The following KIAA0586 variants were observed in gnomAD, a reference collection of about 807,000 sequenced individuals.
KIAA0586 encodes KIAA0586, also known as protein TALPID3.
A neutral mutation model predicts 169.8 loss-of-function variants in KIAA0586; 144 were observed. The observed-to-expected ratio is 0.85, with a 90% CI of 0.74 to 0.97. The LOEUF (loss-of-function observed/expected upper bound fraction) is 0.97. Among genes scored for constraint, KIAA0586 ranks in the 50% least tolerant of loss-of-function variants. The pLI, the probability that KIAA0586 is intolerant of heterozygous loss-of-function variation, is 0.00. For missense variants in KIAA0586, 1,854 were observed against 1,823.0 expected (o/e 1.02, Z -0.31); for synonymous variants, 625 against 612.4 (o/e 1.02, Z -0.30).
At chr14:58,538,005 G>A (rs1200693664) in intron 29 of KIAA0586, among the ~76,000 whole-genome samples, 1 of 152,064 alleles carries the variant, frequency 6.6e-6, no homozygotes, top group Non-Finnish European at 1.5e-5. Context: ...CAGTTGAGCT[G>A]GGCATGGTGA....
intron 21 of KIAA0586, among the ~76,000 whole-genome samples, chr14:58,486,360 G>A (rs552982160): frequency 3.9e-5 from 6 of 152,070 alleles, no homozygotes; most frequent in East Asian, 1.9e-4. Context: ...CCATTGATGG[G>A]CACCTAGGTT....
intron 29 of KIAA0586, among the ~76,000 whole-genome samples, chr14:58,516,526 C>T (rs2044765928): frequency 6.6e-6 from 1 of 152,108 alleles, no homozygotes; most frequent in Non-Finnish European, 1.5e-5. Context: ...CTGTCCTGCA[C>T]AAAATTTGCC....
intron 29 of KIAA0586, chr14:58,522,041 G>A (rs2045266833): frequency 9.6e-7 from 1 of 1,045,160 alleles, no homozygotes; most frequent in African/African-American, 1.6e-5. Flanking sequence ...TTACGTAGGT[G>A]CTTGTCTAAG....
At chr14:58,439,576 A>G (rs968281935) in intron 4 of KIAA0586, among the ~76,000 whole-genome samples, 3 of 152,192 alleles carry the variant, frequency 2.0e-5, no homozygotes, top group African/African-American at 7.2e-5. Context: ...AAAATTAGGA[A>G]ATTAGGATGG....
chr14:58,462,498 C>T (rs2040410872), intron 14 of KIAA0586, among the ~76,000 whole-genome samples: 1 of 152,194 alleles, frequency 6.6e-6, no homozygotes, highest in Non-Finnish European at 1.5e-5. Flanking sequence ...GGTGATCCAC[C>T]CGCCTCAGCC....
At chr14:58,461,217 T>A in intron 14 of KIAA0586, 57 bp downstream of exon 14, 1 of 1,244,518 alleles carries the variant, frequency 8.0e-7, no homozygotes, top group Non-Finnish European at 1.1e-6. Context: ...CAGTTTAATA[T>A]GTAAAGTTTC....
intron 4 of KIAA0586, among the ~76,000 whole-genome samples, chr14:58,439,159 T>C (rs1377371356): frequency 6.6e-6 from 1 of 152,288 alleles, no homozygotes; most frequent in East Asian, 1.9e-4. Context: ...AAGTAAATCC[T>C]GTTACCTCTG....
intron 29 of KIAA0586, among the ~76,000 whole-genome samples, chr14:58,531,846 T>C (rs910983457): frequency 2.1e-4 from 32 of 152,304 alleles, no homozygotes; most frequent in Middle Eastern, 3.4e-3. Flanking sequence ...TGGAATAATA[T>C]GCAGCCATGT....
intron 22 of KIAA0586, 75 bp from the exon 23 acceptor site, chr14:58,487,812 C>A: frequency 1.2e-6 from 1 of 845,154 alleles, no homozygotes. Flanking sequence ...ATATCTGAAG[C>A]AATGTATCAT....
At chr14:58,473,992 T>C (rs2141019156) in intron 18 of KIAA0586, among the ~76,000 whole-genome samples, 1 of 151,970 alleles carries the variant, frequency 6.6e-6, no homozygotes, top group South Asian at 2.1e-4. Flanking sequence ...CTACTTCTGG[T>C]CAGGACCTCA....
In KIAA0586 at chr14:58,428,177, A is replaced by G. The variant is rs1444847218; in HGVS notation, c.-88A>G. 48 of 1,509,252 alleles carry G rather than the reference A, an allele frequency of 3.2e-5. No homozygotes were observed. Among genetic ancestry groups the G allele is most frequent in the Non-Finnish European group, 4.2e-5 (47 of 1,132,102 alleles). The allele number at this position is 1,509,252 out of a possible 1,614,324, so 93.5% of individuals were successfully genotyped here. ...CGACATTTTAAAAACAGTTATTGCA[A>G]AGAGGTGAAAATTTTGTTCTGAAGT... On this transcript the variant is annotated 5_prime_UTR_variant, in exon 1 of 31. Transcript: ENST00000652326.
intron 26 of KIAA0586, among the ~76,000 whole-genome samples, chr14:58,494,112 T>A (rs2042998706): frequency 6.6e-6 from 1 of 152,004 alleles, no homozygotes. Flanking sequence ...CTTTTTTTTT[T>A]CTTCCTTTCA....
chr14:58,477,547 T>C (rs935964619), intron 20 of KIAA0586, among the ~76,000 whole-genome samples: 1 of 152,190 alleles, frequency 6.6e-6, no homozygotes, highest in African/African-American at 2.4e-5. Context: ...GGTTTCCATA[T>C]GTACCTCACT....
chr14:58,458,345 A>G (rs2040043490), intron 11 of KIAA0586, 128 bp from the exon 12 acceptor site: 1 of 625,464 alleles, frequency 1.6e-6, no homozygotes, highest in Non-Finnish European at 2.8e-6. Flanking sequence ...CTATCCTAAT[A>G]TCCTTTCCTT....
chr14:58,550,387 A>G lies in KIAA0586; in HGVS notation c.*2455A>G, dbSNP rs554623121. The stretch of plus-strand genomic sequence containing the variant: ...GCCAACCACTTCAGATTCTTTTGGA[A>G]TAAGACGATGTACGTAAAAACAAAC... On this transcript the variant is annotated 3_prime_UTR_variant, in exon 31 of 31. Transcript: ENST00000652326. 37 of 152,356 alleles carry G rather than the reference A, an allele frequency of 2.4e-4. No homozygotes were observed. The highest frequency in any genetic ancestry group is 8.9e-4 in the African/African-American group (37 of 41,582). 9.4% of individuals were successfully genotyped at this position (152,356 alleles called of 1,614,324 possible).
chr14:58,548,007 T>C lies in KIAA0586; in HGVS notation c.*75T>C. The C allele has an allele frequency of 1.3e-6, 2 of 1,490,720 alleles. No homozygotes were observed. Among genetic ancestry groups the C allele is most frequent in the Non-Finnish European group, 1.8e-6 (2 of 1,106,054 alleles). 92.3% of individuals were successfully genotyped at this position (1,490,720 alleles called of 1,614,324 possible). A position where few individuals can be genotyped will look rare whatever the true frequency, so the allele number is the denominator to read the frequency against. On this transcript the variant is annotated 3_prime_UTR_variant, in exon 31 of 31. Coordinates refer to ENST00000652326, the MANE Select transcript of KIAA0586 (RefSeq NM_001329943.3). Reference sequence around the variant, plus strand: ...TTTTACCTTGGCTTAAAACCCTCTCTCAGACTGTTTGGTTTTTGAGCATAT... The same window carrying C: ...TTTTACCTTGGCTTAAAACCCTCTCCCAGACTGTTTGGTTTTTGAGCATAT...
At chr14:58,440,163 A>G (rs2038193934) in intron 4 of KIAA0586, 2 of 445,552 alleles carry the variant, frequency 4.5e-6, no homozygotes, top group South Asian at 3.1e-5. Flanking sequence ...GATTACAGGC[A>G]TGTAGCACTA....
rs1170224788 is a variant in KIAA0586, at chr14:58,461,044, G to T, written c.1943G>T (p.Gly648Val). The T allele has an allele frequency of 1.9e-6, 3 of 1,611,828 alleles. No homozygotes were observed. In the Admixed American group the frequency reaches 5.0e-5, roughly 27 times the overall value. ...GAAGATTATATGTTACAAGTCTATG[G>T]AAAGCCAGTTTATCAGGGCCATCGA... ...QDEDYMLQVY[G>V]KPVYQGHRST... is the part of the protein sequence containing the mutation. The change falls in exon 14 of 31, where the codon GGA (glycine) becomes GTA (valine). Residue 648 changes from glycine to valine, a missense_variant. Transcript: ENST00000652326.
At chr14:58,449,447 T>C (rs1326187559) in intron 7 of KIAA0586, among the ~76,000 whole-genome samples, 2 of 152,150 alleles carry the variant, frequency 1.3e-5, no homozygotes, top group Non-Finnish European at 2.9e-5. Context: ...GAGGATTGCC[T>C]GAGCCCAGGA....
Sources: allele counts gnomAD v4.1 joint callset (sites outside exome capture counted in the v4.1 genomes callset), GRCh38; gene constraint gnomAD v4.1.1; transcripts MANE v1.5; gene names NCBI Gene and HGNC (gene_info 2026-07-23, HGNC 2026-07-21).